The following MRTFB variants were observed in gnomAD, a reference collection of about 807,000 sequenced individuals.
MRTFB encodes the protein myocardin related transcription factor B.
A neutral mutation model predicts 104.2 loss-of-function variants in MRTFB; 29 were observed. The ratio of observed to expected loss-of-function variants is 0.28; its 90% CI spans 0.21 to 0.38. The LOEUF (loss-of-function observed/expected upper bound fraction) is 0.38. Ranked by LOEUF, MRTFB falls within the 10% of genes least tolerant of loss-of-function variation. The pLI is 1.00. For missense variants in MRTFB, 1,270 were observed against 1,341.6 expected (o/e 0.95, Z 0.83); for synonymous variants, 535 against 519.5 (o/e 1.03, Z -0.41).
intron 10 of MRTFB, among the ~76,000 whole-genome samples, chr16:14,245,129 G>T (rs531626679): frequency 6.6e-6 from 1 of 152,156 alleles, no homozygotes; most frequent in Non-Finnish European, 1.5e-5. Flanking sequence ...TCAAGGGTCC[G>T]GGTATGCAGA....
intron 8 of MRTFB, among the ~76,000 whole-genome samples, chr16:14,224,032 TACAGTC>T (rs1567186291): frequency 6.6e-6 from 1 of 152,142 alleles, no homozygotes; most frequent in Non-Finnish European, 1.5e-5. Context: ...TCATGAAACT[TACAGTC>T]ACAGTAGAAG....
At chr16:14,085,997 T>C (rs904871605) in intron 2 of MRTFB, among the ~76,000 whole-genome samples, 2 of 152,232 alleles carry the variant, frequency 1.3e-5, no homozygotes, top group Non-Finnish European at 2.9e-5. Context: ...CATATTTATG[T>C]TTCATAGTAT....
chr16:14,223,342 C>A (rs2041829537), intron 8 of MRTFB, among the ~76,000 whole-genome samples: 1 of 151,862 alleles, frequency 6.6e-6, no homozygotes, highest in South Asian at 2.1e-4. Context: ...AAAAATATGA[C>A]CATTCAGGGA....
At chr16:14,032,817 C>T in the MRTFB span, among the ~76,000 whole-genome samples, 1 of 152,018 alleles carries the variant, frequency 6.6e-6, no homozygotes. Context: ...GTGTGGAAAA[C>T]CCACACTTTT....
chr16:14,056,941 T>C, the MRTFB span, among the ~76,000 whole-genome samples: 23 of 152,226 alleles, frequency 1.5e-4, no homozygotes, highest in African/African-American at 5.3e-4. Context: ...GAAAGACTGA[T>C]GCTTAAATCC....
At chr16:14,161,439 T>G (rs1279621385) in intron 3 of MRTFB, among the ~76,000 whole-genome samples, 2 of 152,164 alleles carry the variant, frequency 1.3e-5, no homozygotes, top group African/African-American at 2.4e-5. Context: ...AAGAAATTCA[T>G]CTGGATTGAA....
At chr16:14,032,473 C>G in the MRTFB span, among the ~76,000 whole-genome samples, 6 of 152,096 alleles carry the variant, frequency 3.9e-5, no homozygotes, top group Non-Finnish European at 8.8e-5. Context: ...AACTTGAATC[C>G]TTTATCATAA....
chr16:14,146,074 G>C (rs532557733), intron 3 of MRTFB, among the ~76,000 whole-genome samples: 1 of 152,366 alleles, frequency 6.6e-6, no homozygotes, highest in Non-Finnish European at 1.5e-5. Flanking sequence ...TTATTACAGA[G>C]TAAGCAGAGA....
Position 14,137,819 on chromosome 16 carries a change from AT to A in MRTFB, c.-63-2722del, listed in dbSNP as rs2037798183. On this transcript the variant is annotated intron_variant, in intron 2 of 16. Transcript: ENST00000571589. ...TAAAGTATGTCACTTATATGCATAC[AT>A]TTATAGACTTTTAAAAATTTATTCT... 2.0e-5 allele frequency among the ~76,000 whole-genome samples: 3 copies of A among 152,086 alleles called. No individual in the cohort carries two copies. The South Asian group carries it at 6.2e-4, about 32-fold the overall frequency.
intron 8 of MRTFB, among the ~76,000 whole-genome samples, chr16:14,224,628 T>TATCA (rs2041914497): frequency 1.3e-5 from 2 of 152,158 alleles, no homozygotes; most frequent in South Asian, 4.2e-4. Flanking sequence ...TCAATAAGAC[T>TATCA]ATCAGTGGAT....
At chr16:14,157,290 A>G (rs1382482439) in intron 3 of MRTFB, among the ~76,000 whole-genome samples, 1 of 152,226 alleles carries the variant, frequency 6.6e-6, no homozygotes, top group African/African-American at 2.4e-5. Context: ...AGAGCTTTAA[A>G]GAAGAATTTA....
At chr16:14,053,664 G>C in the MRTFB span, among the ~76,000 whole-genome samples, 1 of 150,970 alleles carries the variant, frequency 6.6e-6, no homozygotes, top group Non-Finnish European at 1.5e-5. Flanking sequence ...GCGGGAGGCA[G>C]AGTTGCAGTG....
In MRTFB at chr16:14,265,864, T is replaced by G. The variant is rs1273255833; in HGVS notation, c.*4420T>G. On this transcript the variant is annotated 3_prime_UTR_variant, in exon 17 of 17. Coordinates refer to ENST00000571589, the MANE Select transcript of MRTFB (RefSeq NM_001308142.2). ...ATAAAATATGTTATCAGAGATATCA[T>G]CACATCTATAGTGTTTAACAGAGCT... 6.6e-6 allele frequency: 1 copy of G among 152,238 alleles called. No individual in the cohort carries two copies. The highest frequency in any genetic ancestry group is 2.4e-5 in the African/African-American group (1 of 41,466). 9.4% of individuals were successfully genotyped at this position (152,238 alleles called of 1,614,324 possible).
chr16:14,237,006 A>G (rs140996526), intron 9 of MRTFB, among the ~76,000 whole-genome samples: 1 of 152,308 alleles, frequency 6.6e-6, no homozygotes, highest in Non-Finnish European at 1.5e-5. Flanking sequence ...TTGTGTGTCT[A>G]AGTGACTAGC....
At chr16:14,013,734 CA>C in the MRTFB span, among the ~76,000 whole-genome samples, 4,265 of 152,228 alleles carry the variant, frequency 0.028, 186 homozygotes, top group African/African-American at 0.097. Context: ...CTGATTGAAT[CA>C]GGGGCAAAGA....
At chr16:14,023,777 G>A in the MRTFB span, among the ~76,000 whole-genome samples, 21 of 152,204 alleles carry the variant, frequency 1.4e-4, no homozygotes, top group African/African-American at 2.9e-4. Context: ...AGGGCTGGGC[G>A]TGGTTGCTCA....
At chr16:13,998,300 T>C in the MRTFB span, among the ~76,000 whole-genome samples, 1 of 152,006 alleles carries the variant, frequency 6.6e-6, no homozygotes, top group Non-Finnish European at 1.5e-5. Context: ...CAGTGAAATT[T>C]TGGGAGTAAC....
chr16:14,140,740 C>G lies in MRTFB; in HGVS notation c.134C>G (p.Pro45Arg), dbSNP rs2037956681. Residue 45 changes from proline (P) to arginine (R), a missense_variant, in exon 3 of 17, where the codon CCT (proline) becomes CGT (arginine). Physicochemically the swap from Pro to Arg is moderately radical, Grantham distance 103 (BLOSUM62 -2). This residue lies in a region of MRTFB where 62 missense variants were observed against 57.2 expected (regional missense o/e 1.08). Transcript: ENST00000571589. ...LSLQSSQNLP[P>R]LNERKNVLQL... Reference sequence around the variant, plus strand: ...TTGCAGTCCAGTCAAAACTTACCCCCTCTGAACGAAAGGAAAAATGGTGAG... The same window carrying G: ...TTGCAGTCCAGTCAAAACTTACCCCGTCTGAACGAAAGGAAAAATGGTGAG... 1.2e-6 allele frequency: 2 copies of G among 1,614,018 alleles called. No individual in the cohort carries two copies. The highest frequency in any genetic ancestry group is 1.7e-6 in the Non-Finnish European group (2 of 1,180,034).
intron 9 of MRTFB, among the ~76,000 whole-genome samples, chr16:14,235,089 C>T (rs577085196): frequency 6.6e-6 from 1 of 152,294 alleles, no homozygotes; most frequent in South Asian, 2.1e-4. Flanking sequence ...CCCAACCTCC[C>T]GAATCCAAGT....
Sources: gnomAD v4.1 joint callset for allele counts (sites outside exome capture counted in the v4.1 genomes callset) on GRCh38, gnomAD v4.1.1 for gene constraint, gnomAD v4.1.1 regional missense constraint, MANE v1.5 for transcripts, NCBI Gene and HGNC (gene_info 2026-07-23, HGNC 2026-07-21) for gene names.